Variants in SCG3 observed in about 807,000 individuals in gnomAD.
The protein encoded by SCG3 is secretogranin III, also known as secretogranin-3.
In SCG3, 38 loss-of-function variants were observed where a neutral mutation model predicts 56.2. That is an observed-to-expected ratio of 0.68 (90% CI 0.52 to 0.89). The LOEUF is 0.89. Ranked by LOEUF, SCG3 falls within the 40% of genes least tolerant of loss-of-function variation. The pLI is 0.00. For synonymous variants in SCG3, 176 were observed against 184.2 expected, an observed-to-expected ratio of 0.96 and a Z score of 0.36; for missense variants, 524 against 540.7, an observed-to-expected ratio of 0.97 and a Z score of 0.31.
Position 51,704,240 on chromosome 15 carries a change from CATACATATAT to C in SCG3, c.1207+3000_1207+3009del, listed in dbSNP as rs1169740495. The stretch of plus-strand genomic sequence containing the variant: ...ATATATATGTGTGTATACATACATA[CATACATATAT>C]ATATATATATATATATATATATATA... On this transcript the variant is annotated intron_variant, in intron 10 of 11. Coordinates refer to ENST00000220478, the MANE Select transcript of SCG3 (RefSeq NM_013243.4). 6.4e-3 allele frequency among the ~76,000 whole-genome samples: 379 copies of C among 58,794 alleles called. 2 individuals are homozygous for C. The highest frequency in any genetic ancestry group is 0.02 in the African/African-American group (297 of 14,592). The allele number at this position is 58,794 out of a possible 152,430, so 38.6% of individuals were successfully genotyped here.
chr15:51,712,672 G>A (rs1342840914), intron 10 of SCG3, among the ~76,000 whole-genome samples: 1 of 152,200 alleles, frequency 6.6e-6, no homozygotes, highest in Non-Finnish European at 1.5e-5. Flanking sequence ...GCATCACAGA[G>A]TAGGTGCATG....
At chr15:51,703,305 G>A (rs1050946148) in intron 10 of SCG3, among the ~76,000 whole-genome samples, 1 of 152,188 alleles carries the variant, frequency 6.6e-6, no homozygotes, top group African/African-American at 2.4e-5. Flanking sequence ...CATGCTTACT[G>A]TCTGTGTATG....
At chr15:51,704,395 G>A (rs922437847) in intron 10 of SCG3, among the ~76,000 whole-genome samples, 45 of 150,094 alleles carry the variant, frequency 3.0e-4, no homozygotes, top group Non-Finnish European at 5.9e-4. Context: ...TTTCTGTACC[G>A]TCACCACCAT....
intron 10 of SCG3, among the ~76,000 whole-genome samples, chr15:51,711,119 T>A (rs941483495): frequency 6.6e-6 from 1 of 152,176 alleles, no homozygotes; most frequent in African/African-American, 2.4e-5. Flanking sequence ...TGGGAAACAG[T>A]AGAACATGCC....
At chr15:51,709,701 A>ATTTTTTTT (rs869162420) in intron 10 of SCG3, among the ~76,000 whole-genome samples, 2 of 22,958 alleles carry the variant, frequency 8.7e-5, no homozygotes, top group Non-Finnish European at 1.3e-4. Flanking sequence ...ATATATATAT[A>ATTTTTTTT]TTTTTTTTTT....
At chr15:51,681,928 G>A in intron 1 of SCG3, 91 bp downstream of exon 1, 3 of 972,480 alleles carry the variant, frequency 3.1e-6, no homozygotes, top group Non-Finnish European at 4.9e-6. Context: ...AAATCACCCT[G>A]ACGCGTTTTC....
At chr15:51,701,359 T>C (rs944529539) in intron 10 of SCG3, 115 bp downstream of exon 10, 2 of 1,083,824 alleles carry the variant, frequency 1.8e-6, no homozygotes, top group Non-Finnish European at 2.6e-6. Context: ...ATTGACACAA[T>C]CTGTATAGAA....
intron 10 of SCG3, among the ~76,000 whole-genome samples, chr15:51,705,937 A>G (rs777859384): frequency 6.6e-6 from 1 of 152,200 alleles, no homozygotes; most frequent in Non-Finnish European, 1.5e-5. Context: ...TAATGTTACC[A>G]CTGAACCCAT....
chr15:51,688,179 A>G, intron 4 of SCG3, 81 bp from the exon 5 acceptor site: 1 of 1,306,544 alleles, frequency 7.7e-7, no homozygotes, highest in Non-Finnish European at 1.0e-6. Flanking sequence ...TACAAAAGCG[A>G]AGTACAGATT....
chr15:51,683,136 T>A lies in SCG3; in HGVS notation c.181+12T>A. The A allele has an allele frequency of 1.2e-6, 2 of 1,605,858 alleles. No homozygotes were observed. Among genetic ancestry groups the A allele is most frequent in the Non-Finnish European group, 1.7e-6 (2 of 1,175,174 alleles). On this transcript the variant is annotated intron_variant, in intron 3 of 11. Transcript: ENST00000220478. ...AACATATCCTCCAGGTAAAAAGAAA[T>A]CATATTGATGTTAATTTAAATAATG...
chr15:51,702,563 C>T lies in SCG3; in HGVS notation c.1207+1319C>T, dbSNP rs545935731. On this transcript the variant is annotated intron_variant, in intron 10 of 11. Coordinates refer to ENST00000220478, the MANE Select transcript of SCG3 (RefSeq NM_013243.4). ...TGAGCCACCGTGCTCGGCCATCTTC[C>T]TAGGATTTTAGAAACTTTACCATAC... Among the ~76,000 whole-genome samples, 7 of 152,140 alleles carry T rather than the reference C, an allele frequency of 4.6e-5. No homozygotes were observed. The South Asian group carries it at 1.2e-3, about 27-fold the overall frequency.
intron 8 of SCG3, among the ~76,000 whole-genome samples, chr15:51,696,779 A>C (rs2141567575): frequency 6.6e-6 from 1 of 152,234 alleles, no homozygotes; most frequent in South Asian, 2.1e-4. Flanking sequence ...GAATTCACTC[A>C]CTATCGGAGG....
chr15:51,716,305 G>A (rs2055455439), intron 11 of SCG3, among the ~76,000 whole-genome samples: 1 of 152,210 alleles, frequency 6.6e-6, no homozygotes. Flanking sequence ...TTGTGCCTTA[G>A]GGGTCAGGAA....
At chr15:51,684,008 A>T (rs924891960) in intron 4 of SCG3, among the ~76,000 whole-genome samples, 3 of 152,292 alleles carry the variant, frequency 2.0e-5, no homozygotes, top group Admixed American at 6.5e-5. Context: ...CAAATTTAGC[A>T]TGCCCATGAT....
At chr15:51,704,240 CATACATATATATATATATAT>C (rs1246870833) in intron 10 of SCG3, among the ~76,000 whole-genome samples, 2 of 58,826 alleles carry the variant, frequency 3.4e-5, no homozygotes, top group Non-Finnish European at 3.2e-5. Context: ...TACATACATA[CATACATATATATATATATAT>C]ATATATATAT....
Position 51,719,465 on chromosome 15 carries a change from A to T in SCG3, c.1346A>T (p.Glu449Val), listed in dbSNP as rs2055481558. The T allele has an allele frequency of 6.2e-7, 1 of 1,614,150 alleles. No homozygotes were observed. Among genetic ancestry groups the T allele is most frequent in the East Asian group, 2.2e-5 (1 of 44,872 alleles). Residue 449 changes from glutamate to valine, a missense_variant, in exon 12 of 12, where the codon GAG (glutamate) becomes GTG (valine). By Grantham distance (121) the Glu-to-Val change is moderately radical. Transcript: ENST00000220478. Reference sequence around the variant, plus strand: ...AATAAACAAGCTGATGCTTATGTGGAGAAAGGCATCCTTGACAAGGAAGAA... The same window carrying T: ...AATAAACAAGCTGATGCTTATGTGGTGAAAGGCATCCTTGACAAGGAAGAA... ...FINKQADAYVEKGILDKEEAE... is the reference protein window; with the variant it reads ...FINKQADAYVVKGILDKEEAE...
At position 51,683,112 on chromosome 15, in the gene SCG3, A is replaced by T; in HGVS notation, c.169A>T (p.Thr57Ser). ...AEAEEDKIKK[T>S]YPPENKPGQS... ...AGCAGAAGAAGACAAGATTAAAAAA[A>T]CATATCCTCCAGGTAAAAAGAAATC... The change falls in exon 3 of 12, where the codon ACA becomes TCA. Residue 57 changes from threonine to serine, a missense_variant. Coordinates refer to ENST00000220478, the MANE Select transcript of SCG3 (RefSeq NM_013243.4). The T allele has an allele frequency of 6.2e-7, 1 of 1,609,984 alleles. No homozygotes were observed. The highest frequency in any genetic ancestry group is 8.5e-7 in the Non-Finnish European group (1 of 1,178,320).
chr15:51,686,585 G>A (rs10519319), intron 4 of SCG3, among the ~76,000 whole-genome samples: 3,231 of 152,222 alleles, frequency 0.021, 92 homozygotes, highest in East Asian at 0.095. Flanking sequence ...CTTGCAATCC[G>A]CAAATGGAAA....
intron 5 of SCG3, among the ~76,000 whole-genome samples, chr15:51,688,708 C>T (rs1017116486): frequency 1.3e-5 from 2 of 152,072 alleles, no homozygotes; most frequent in African/African-American, 2.4e-5. Flanking sequence ...ATGAAGGAAG[C>T]TTAGAGGGAT....
Sources: allele counts gnomAD v4.1 joint callset (sites outside exome capture counted in the v4.1 genomes callset), GRCh38; gene constraint gnomAD v4.1.1; transcripts MANE v1.5; gene names NCBI Gene and HGNC (gene_info 2026-07-23, HGNC 2026-07-21).